Variants in TRDN observed in about 807,000 individuals in gnomAD.
TRDN encodes triadin in skeletal muscle.
TRDN carries 161 observed loss-of-function variants against 149.7 expected under a neutral mutation model. The observed-to-expected ratio is 1.08, with a 90% CI of 0.95 to 1.23. The LOEUF (loss-of-function observed/expected upper bound fraction) is 1.23, where lower values mean the gene tolerates loss of function less well. Among genes scored for constraint, TRDN ranks in the 50% most tolerant of loss-of-function variants. TRDN has a pLI of 0.00. For missense variants in TRDN, 896 were observed against 823.5 expected, an observed-to-expected ratio of 1.09 and a Z score of -1.08; for synonymous variants, 294 against 250.5, an observed-to-expected ratio of 1.17 and a Z score of -1.64.
intron 11 of TRDN, 114 bp downstream of exon 11, chr6:123,438,830 A>T: frequency 2.6e-6 from 2 of 768,864 alleles, no homozygotes; most frequent in Non-Finnish European, 4.0e-6. Flanking sequence ...CACTAATAAC[A>T]ATGACAATGC....
At chr6:123,453,635 G>C (rs1431941513) in intron 10 of TRDN, among the ~76,000 whole-genome samples, 1 of 152,088 alleles carries the variant, frequency 6.6e-6, no homozygotes, top group African/African-American at 2.4e-5. Context: ...GGTGATTAGG[G>C]AACACTTCTA....
rs115928598 is a variant in TRDN, at chr6:123,497,834, T to C, written c.794-582A>G. Among the ~76,000 whole-genome samples, 782 of 152,302 alleles carry C rather than the reference T, an allele frequency of 5.1e-3. 10 individuals are homozygous for C. The highest frequency in any genetic ancestry group is 0.018 in the African/African-American group (739 of 41,580). On this transcript the variant is annotated intron_variant, in intron 8 of 40. Transcript: ENST00000334268. Reference sequence around the variant, plus strand: ...AACAGAGTAACAGAACCAAATGATATTGTTGTTAAACTAATCAAATGAGTA... The same window carrying C: ...AACAGAGTAACAGAACCAAATGATACTGTTGTTAAACTAATCAAATGAGTA...
chr6:123,560,439 A>G (rs1781924123), intron 2 of TRDN, among the ~76,000 whole-genome samples: 1 of 152,142 alleles, frequency 6.6e-6, no homozygotes, highest in South Asian at 2.1e-4. Context: ...ATGCCTCTTT[A>G]ATAAAAATGC....
chr6:123,428,684 C>T (rs1774219665), intron 12 of TRDN, among the ~76,000 whole-genome samples: 1 of 152,084 alleles, frequency 6.6e-6, no homozygotes, highest in African/African-American at 2.4e-5. Flanking sequence ...GGTCAAATAC[C>T]TAATTACATA....
At chr6:123,332,752 A>G (rs1456882430) in intron 22 of TRDN, among the ~76,000 whole-genome samples, 1 of 152,040 alleles carries the variant, frequency 6.6e-6, no homozygotes, top group African/African-American at 2.4e-5. Context: ...CCCTTTTTCT[A>G]TTCCCACCAT....
At chr6:123,385,435 G>GAA (rs1193940346) in intron 14 of TRDN, among the ~76,000 whole-genome samples, 7 of 141,812 alleles carry the variant, frequency 4.9e-5, no homozygotes, top group African/African-American at 1.8e-4. Context: ...AAAAAAAAAA[G>GAA]AAAAAAAAAA....
intron 9 of TRDN, among the ~76,000 whole-genome samples, chr6:123,472,365 T>G (rs1338051362): frequency 6.6e-6 from 1 of 152,202 alleles, no homozygotes. Flanking sequence ...AATACTGCGC[T>G]TTTCCGACAG....
At chr6:123,505,943 CAG>C (rs772487684) in intron 7 of TRDN, among the ~76,000 whole-genome samples, 5 of 152,132 alleles carry the variant, frequency 3.3e-5, no homozygotes, top group Admixed American at 1.3e-4. Flanking sequence ...TAACTACACT[CAG>C]GGGATTTTCT....
chr6:123,507,917 TAAC>T (rs1779002458), intron 7 of TRDN, among the ~76,000 whole-genome samples: 1 of 151,786 alleles, frequency 6.6e-6, no homozygotes, highest in Non-Finnish European at 1.5e-5. Context: ...AGTTAGAAAA[TAAC>T]AAATTTTCTC....
At chr6:123,276,371 G>C (rs946237393) in intron 26 of TRDN, among the ~76,000 whole-genome samples, 1 of 152,100 alleles carries the variant, frequency 6.6e-6, no homozygotes, top group Non-Finnish European at 1.5e-5. Context: ...TCTTCTGTTA[G>C]GTGGAAGATG....
intron 4 of TRDN, among the ~76,000 whole-genome samples, chr6:123,540,659 C>G (rs1165940176): frequency 1.3e-5 from 2 of 152,190 alleles, no homozygotes; most frequent in Non-Finnish European, 2.9e-5. Context: ...GCTGGGACTA[C>G]AAGCGCCCGC....
chr6:123,466,744 G>A (rs990936817), intron 9 of TRDN, among the ~76,000 whole-genome samples: 1 of 151,796 alleles, frequency 6.6e-6, no homozygotes, highest in Non-Finnish European at 1.5e-5. Flanking sequence ...GGACAAAGAA[G>A]GAGTCAGTTA....
intron 9 of TRDN, chr6:123,488,774 T>A (rs1038099416): frequency 1.3e-5 from 2 of 151,558 alleles, no homozygotes; most frequent in Non-Finnish European, 2.9e-5. Flanking sequence ...CAATTCCCTA[T>A]CTATGTCTGG....
chr6:123,629,425 A>G (rs184569243), intron 1 of TRDN, among the ~76,000 whole-genome samples: 2 of 152,108 alleles, frequency 1.3e-5, no homozygotes, highest in Non-Finnish European at 2.9e-5. Context: ...GATGCAGCAA[A>G]TGCGTAGCAA....
At chr6:123,353,270 T>C (rs1055604368) in intron 20 of TRDN, among the ~76,000 whole-genome samples, 2 of 151,860 alleles carry the variant, frequency 1.3e-5, no homozygotes, top group African/African-American at 4.8e-5. Flanking sequence ...GATGAGGAAC[T>C]GATTATTGCT....
At chr6:123,432,272 T>A (rs1468222437) in intron 12 of TRDN, among the ~76,000 whole-genome samples, 1 of 152,316 alleles carries the variant, frequency 6.6e-6, no homozygotes, top group South Asian at 2.1e-4. Context: ...TCTCAGAATG[T>A]ATTTATTATT....
At chr6:123,472,246 G>C (rs1006438910) in intron 9 of TRDN, among the ~76,000 whole-genome samples, 1 of 152,228 alleles carries the variant, frequency 6.6e-6, no homozygotes, top group Non-Finnish European at 1.5e-5. Flanking sequence ...AGCCAAAGCA[G>C]GGGGAGGCAT....
chr6:123,547,148 TAATC>T (rs1293713196), intron 4 of TRDN, among the ~76,000 whole-genome samples, 188 bp downstream of exon 4: 1 of 152,052 alleles, frequency 6.6e-6, no homozygotes, highest in East Asian at 1.9e-4. Context: ...ATTTAAAAAA[TAATC>T]AACAGAAAAG....
At chr6:123,489,454 C>A (rs1778116122) in intron 9 of TRDN, 1 of 152,114 alleles carries the variant, frequency 6.6e-6, no homozygotes, top group Non-Finnish European at 1.5e-5. Flanking sequence ...TTTTGTTAAG[C>A]AGTTCTGTTT....
Sources: allele counts gnomAD v4.1 joint callset (sites outside exome capture counted in the v4.1 genomes callset), GRCh38; gene constraint gnomAD v4.1.1; transcripts MANE v1.5; gene names NCBI Gene and HGNC (gene_info 2026-07-23, HGNC 2026-07-21).